The following FER1L6 variants were observed in gnomAD, a reference collection of about 807,000 sequenced individuals.
The protein encoded by FER1L6 is fer-1 like family member 6.
Under a neutral mutation model 219.2 loss-of-function variants are expected in FER1L6, and 177 were observed. The ratio of observed to expected loss-of-function variants is 0.81; its 90% CI spans 0.71 to 0.91. FER1L6 has a LOEUF of 0.91. Among genes scored for constraint, FER1L6 ranks in the 40% least tolerant of loss-of-function variants. FER1L6 has a pLI of 0.00. For synonymous variants in FER1L6, 768 were observed against 824.3 expected (o/e 0.93, Z 1.17); for missense variants, 2,153 against 2,259.9 (o/e 0.95, Z 0.96).
chr8:123,968,929 T>C, intron 5 of FER1L6, among the ~76,000 whole-genome samples: 1 of 152,096 alleles, frequency 6.6e-6, no homozygotes, highest in East Asian at 1.9e-4. Flanking sequence ...AAAAAGAAAA[T>C]CCAGGAAACA....
chr8:124,003,971 G>T (rs1384745748), intron 13 of FER1L6, among the ~76,000 whole-genome samples: 1 of 151,980 alleles, frequency 6.6e-6, no homozygotes, highest in Admixed American at 6.6e-5. Context: ...AGATAGGAAG[G>T]TCAGAACTTA....
At chr8:124,099,360 C>T (rs929641383) in intron 37 of FER1L6, among the ~76,000 whole-genome samples, 5 of 151,892 alleles carry the variant, frequency 3.3e-5, no homozygotes, top group Non-Finnish European at 7.4e-5. Flanking sequence ...TTCTTCTCTA[C>T]GGTTTCTTAT....
intron 1 of FER1L6, among the ~76,000 whole-genome samples, chr8:123,942,055 AC>A (rs2129998498): frequency 6.6e-6 from 1 of 152,136 alleles, no homozygotes; most frequent in African/African-American, 2.4e-5. Flanking sequence ...CTGTCTGTGA[AC>A]CCCTGAGCCC....
intron 1 of FER1L6, among the ~76,000 whole-genome samples, chr8:123,869,655 A>T (rs1816894252): frequency 1.3e-5 from 2 of 152,384 alleles, no homozygotes; most frequent in Non-Finnish European, 2.9e-5. Flanking sequence ...CTCAGTTTAA[A>T]TTTCAGCAAG....
intron 38 of FER1L6, 85 bp from the exon 39 acceptor site, chr8:124,103,057 GTGAA>G (rs1822611525): frequency 2.0e-5 from 23 of 1,167,562 alleles, no homozygotes; most frequent in Non-Finnish European, 2.0e-5. Context: ...GAAGTGAAGG[GTGAA>G]TGAATGAATG....
chr8:124,012,182 TTC>T lies in FER1L6; in HGVS notation c.1822-1245_1822-1244del, dbSNP rs1364036480. Among the ~76,000 whole-genome samples, 7 of 152,356 alleles carry T rather than the reference TTC, an allele frequency of 4.6e-5. No homozygotes were observed. In the South Asian group the frequency reaches 1.2e-3, roughly 27 times the overall value. ...AACCTATGCTAAGTCAAGAACAAAT[TTC>T]TCTGTCCCATTTGCTTTATAATCCT... On this transcript the variant is annotated intron_variant, in intron 14 of 40. Coordinates refer to ENST00000522917, the MANE Select transcript of FER1L6 (RefSeq NM_001039112.2).
chr8:123,961,867 G>A (rs1586520849), intron 2 of FER1L6, among the ~76,000 whole-genome samples: 1 of 145,826 alleles, frequency 6.9e-6, no homozygotes, highest in African/African-American at 2.5e-5. Context: ...TGTGTTTTTT[G>A]TTTGTTTGTT....
At chr8:124,110,507 T>A (rs1822977637) in intron 39 of FER1L6, among the ~76,000 whole-genome samples, 1 of 152,076 alleles carries the variant, frequency 6.6e-6, no homozygotes. Flanking sequence ...ACCACAGAGG[T>A]GAAGTCTGAG....
chr8:123,982,954 A>G (rs1816384684), intron 11 of FER1L6, among the ~76,000 whole-genome samples: 1 of 152,230 alleles, frequency 6.6e-6, no homozygotes, highest in African/African-American at 2.4e-5. Context: ...ACCTGGCCAC[A>G]GAAGTCACAC....
Position 124,060,534 on chromosome 8 carries a change from G to A in FER1L6, c.2986-14G>A. 1.2e-6 allele frequency: 2 copies of A among 1,613,214 alleles called. No individual in the cohort carries two copies. The highest frequency in any genetic ancestry group is 1.7e-6 in the Non-Finnish European group (2 of 1,179,546). Reference sequence around the variant, plus strand: ...GTGGATCTGTGGTGATGGCTCTGCTGGTCTTTTCCTCAGGTTCTCTTCTGG... The same window carrying A: ...GTGGATCTGTGGTGATGGCTCTGCTAGTCTTTTCCTCAGGTTCTCTTCTGG... On this transcript the variant is annotated splice_polypyrimidine_tract_variant and intron_variant, in intron 23 of 40. Coordinates refer to ENST00000522917, the MANE Select transcript of FER1L6 (RefSeq NM_001039112.2).
At chr8:124,083,285 ACTCT>A (rs1821647584) in intron 33 of FER1L6, among the ~76,000 whole-genome samples, 1 of 151,804 alleles carries the variant, frequency 6.6e-6, no homozygotes, top group African/African-American at 2.4e-5. Flanking sequence ...ACCATCATCC[ACTCT>A]CTATCTCCAT....
Position 123,975,242 on chromosome 8 carries a change from A to T in FER1L6, c.619A>T (p.Met207Leu). Reference sequence around the variant, plus strand: ...GTACCTGAAATGTGACATCAGTGTCATGGGAAAAGGTGATGTCTTGAAGAC... The same window carrying T: ...GTACCTGAAATGTGACATCAGTGTCTTGGGAAAAGGTGATGTCTTGAAGAC... ...KGYLKCDISV[M>L]GKGDVLKTSP... The change falls in exon 8 of 41, where the codon ATG (methionine) becomes TTG (leucine). Residue 207 changes from methionine to leucine, a missense_variant. Coordinates refer to ENST00000522917, the MANE Select transcript of FER1L6 (RefSeq NM_001039112.2). 6.2e-7 allele frequency: 1 copy of T among 1,613,506 alleles called. No individual in the cohort carries two copies. Among genetic ancestry groups the T allele is most frequent in the Non-Finnish European group, 8.5e-7 (1 of 1,179,760 alleles).
rs540096581 is a variant in FER1L6, at chr8:124,054,545, G to A, written c.2874+4789G>A. Among the ~76,000 whole-genome samples, 18 of 152,238 alleles carry A rather than the reference G, an allele frequency of 1.2e-4. No individual in the cohort carries two copies. The South Asian group carries it at 3.5e-3, about 30-fold the overall frequency. On this transcript the variant is annotated intron_variant, in intron 22 of 40. Coordinates refer to ENST00000522917, the MANE Select transcript of FER1L6 (RefSeq NM_001039112.2). The stretch of plus-strand genomic sequence containing the variant: ...GAGGAAATCTGCCCCATAGGAGACC[G>A]TCACATTTCTGTAGCCTGGCTATTA...
chr8:123,883,487 A>T (rs1217676446), intron 1 of FER1L6, among the ~76,000 whole-genome samples: 3 of 152,218 alleles, frequency 2.0e-5, no homozygotes, highest in Non-Finnish European at 4.4e-5. Flanking sequence ...CACTCAGTGG[A>T]TGTTTGTTGA....
chr8:124,084,025 T>C (rs1160135590), intron 33 of FER1L6, among the ~76,000 whole-genome samples: 17 of 152,186 alleles, frequency 1.1e-4, no homozygotes. Context: ...TTTGTAGCTA[T>C]TGTAAATGGG....
In FER1L6 at chr8:124,111,980, C is replaced by T. The variant is rs73703953; in HGVS notation, c.5290-6864C>T. ...TGACACTCTTTCCCCCTTAAGTAAC[C>T]AATAACCATATTAAGAAAATAACTT... On this transcript the variant is annotated intron_variant, in intron 39 of 40. Coordinates refer to ENST00000522917, the MANE Select transcript of FER1L6 (RefSeq NM_001039112.2). This position sits in a 1 kb window ranked among gnomAD's most constrained non-coding sequence, Gnocchi z 5.0. Among the ~76,000 whole-genome samples, 3,022 of 152,216 alleles carry T rather than the reference C, an allele frequency of 0.02. 104 individuals are homozygous for T. Among genetic ancestry groups the T allele is most frequent in the African/African-American group, 0.069 (2,869 of 41,538 alleles).
chr8:123,963,152 CAG>C (rs770500294), intron 2 of FER1L6, 124 bp from the exon 3 acceptor site: 1 of 1,224,432 alleles, frequency 8.2e-7, no homozygotes. Flanking sequence ...TTTATGCTGG[CAG>C]AGTCTGTCTT....
At chr8:123,922,380 A>C (rs1813391097) in intron 1 of FER1L6, among the ~76,000 whole-genome samples, 1 of 152,224 alleles carries the variant, frequency 6.6e-6, no homozygotes, top group Admixed American at 6.5e-5. Flanking sequence ...GGAAAAAGAA[A>C]AACCTCCGAC....
intron 20 of FER1L6, among the ~76,000 whole-genome samples, chr8:124,042,136 T>C (rs1819529258): frequency 6.6e-6 from 1 of 152,242 alleles, no homozygotes; most frequent in South Asian, 2.1e-4. Flanking sequence ...GTACAGGATT[T>C]GGACTAAATC....
Sources: gnomAD v4.1 joint callset for allele counts (sites outside exome capture counted in the v4.1 genomes callset) on GRCh38, gnomAD v4.1.1 for gene constraint, Gnocchi (gnomAD v3.1) non-coding constraint, MANE v1.5 for transcripts, NCBI Gene and HGNC (gene_info 2026-07-23, HGNC 2026-07-21) for gene names.